Variants in MAGI2 observed in about 807,000 individuals in gnomAD.
MAGI2 encodes the protein membrane associated guanylate kinase, WW and PDZ domain containing 2.
A neutral mutation model predicts 133.3 loss-of-function variants in MAGI2; 35 were observed. The ratio of observed to expected loss-of-function variants is 0.26; its 90% confidence interval spans 0.20 to 0.35. The LOEUF is 0.35. MAGI2 is among the 10% of genes least tolerant of loss of function. The pLI is 1.00. For synonymous variants in MAGI2, 729 were observed against 710.6 expected (o/e 1.03, Z -0.41); for missense variants, 1,636 against 1,863.4 (o/e 0.88, Z 2.25).
chr7:79,034,045 A>G (rs1339664491), intron 1 of MAGI2, among the ~76,000 whole-genome samples: 1 of 152,174 alleles, frequency 6.6e-6, no homozygotes, highest in Non-Finnish European at 1.5e-5. Flanking sequence ...AAGATGATAT[A>G]TTGAGACACA....
chr7:78,363,089 G>T (rs1010285530), intron 7 of MAGI2, among the ~76,000 whole-genome samples: 6 of 152,124 alleles, frequency 3.9e-5, no homozygotes, highest in African/African-American at 1.4e-4. Flanking sequence ...CAAATTCCCA[G>T]CTATATGAGA....
chr7:79,308,117 A>T (rs1837966215), intron 1 of MAGI2, among the ~76,000 whole-genome samples: 2 of 152,216 alleles, frequency 1.3e-5, no homozygotes, highest in African/African-American at 2.4e-5. Flanking sequence ...AAATTATATT[A>T]CTATATTTAT....
chr7:79,079,836 G>A (rs577516890), intron 1 of MAGI2, among the ~76,000 whole-genome samples: 13 of 152,008 alleles, frequency 8.6e-5, no homozygotes, highest in Admixed American at 4.6e-4. Flanking sequence ...ATGTATGCTC[G>A]TTAAAAAAAT....
chr7:78,297,216 C>CAA (rs1352992935), intron 9 of MAGI2, among the ~76,000 whole-genome samples: 10 of 152,260 alleles, frequency 6.6e-5, no homozygotes, highest in African/African-American at 2.4e-4. Context: ...ATAAACCTGA[C>CAA]AAACACTACA....
chr7:78,431,431 A>T (rs12154515), intron 6 of MAGI2, among the ~76,000 whole-genome samples: 20,814 of 152,124 alleles, frequency 0.14, 1,736 homozygotes, highest in African/African-American at 0.24. Context: ...AGCAGACTGT[A>T]CTTTCTCAAA....
At chr7:78,776,688 T>C (rs1375963281) in intron 2 of MAGI2, among the ~76,000 whole-genome samples, 4 of 152,158 alleles carry the variant, frequency 2.6e-5, no homozygotes, top group Non-Finnish European at 4.4e-5. Context: ...TTAGTGTAGA[T>C]AGGGTATTGT....
intron 9 of MAGI2, among the ~76,000 whole-genome samples, chr7:78,320,015 G>A (rs1787834382): frequency 1.3e-5 from 2 of 152,160 alleles, no homozygotes; most frequent in Non-Finnish European, 2.9e-5. Context: ...AAATAAACTA[G>A]AAAATCTAGA....
intron 1 of MAGI2, among the ~76,000 whole-genome samples, chr7:79,368,780 G>A (rs1481128287): frequency 6.8e-6 from 1 of 147,444 alleles, no homozygotes; most frequent in African/African-American, 2.5e-5. Flanking sequence ...CCCGGGAGGC[G>A]GAGCTTGCAG....
At chr7:78,620,066 T>C (rs770891391) in intron 3 of MAGI2, among the ~76,000 whole-genome samples, 18 of 151,954 alleles carry the variant, frequency 1.2e-4, no homozygotes, top group Non-Finnish European at 2.2e-4. Context: ...ACAGTAAAAA[T>C]TTCCTCTTGT....
intron 9 of MAGI2, among the ~76,000 whole-genome samples, chr7:78,308,343 T>C (rs1308968548): frequency 2.0e-5 from 3 of 152,182 alleles, no homozygotes; most frequent in African/African-American, 4.8e-5. Context: ...GAGAGACCAA[T>C]GTACAACAAG....
At chr7:79,074,827 C>T (rs1046717077) in intron 1 of MAGI2, among the ~76,000 whole-genome samples, 2 of 152,194 alleles carry the variant, frequency 1.3e-5, no homozygotes, top group South Asian at 2.1e-4. Flanking sequence ...GGATCTATCT[C>T]TGTTAGGGTG....
In MAGI2 at chr7:79,171,770, A is replaced by ATTTTTTTTT. The variant is rs144599296; in HGVS notation, c.302-164573_302-164565dup. Among the ~76,000 whole-genome samples, 35 of 31,204 alleles carry ATTTTTTTTT rather than the reference A, an allele frequency of 1.1e-3. 1 individual carries two copies. Among genetic ancestry groups the ATTTTTTTTT allele is most frequent in the Middle Eastern group, 0.05 (1 of 20 alleles). The allele number at this position is 31,204 out of a possible 152,430, so 20.5% of individuals were successfully genotyped here. The stretch of plus-strand genomic sequence containing the variant: ...TATATATATATATATATATATATAT[A>ATTTTTTTTT]TTTTTTTTTTTTTTTTCTTTTAAAG... On this transcript the variant is annotated intron_variant, in intron 1 of 21. Transcript: ENST00000354212.
chr7:79,270,502 C>G (rs576402296), intron 1 of MAGI2, among the ~76,000 whole-genome samples: 1 of 152,128 alleles, frequency 6.6e-6, no homozygotes, highest in African/African-American at 2.4e-5. Flanking sequence ...TTTTCTCAAT[C>G]ATTTAACATT....
intron 1 of MAGI2, among the ~76,000 whole-genome samples, chr7:79,067,170 G>A (rs1814435580): frequency 6.6e-6 from 1 of 152,096 alleles, no homozygotes; most frequent in African/African-American, 2.4e-5. Flanking sequence ...TTGTTGGGGA[G>A]AGCATTGAAA....
intron 9 of MAGI2, among the ~76,000 whole-genome samples, chr7:78,302,970 G>A (rs1797960377): frequency 6.6e-6 from 1 of 152,164 alleles, no homozygotes; most frequent in South Asian, 2.1e-4. Context: ...TGGAAGCTAT[G>A]GCAAGATAGA....
chr7:78,433,764 A>T (rs926021885), intron 6 of MAGI2, among the ~76,000 whole-genome samples: 1 of 152,288 alleles, frequency 6.6e-6, no homozygotes, highest in Admixed American at 6.5e-5. Flanking sequence ...AGGGGAGAGA[A>T]AAAATTTTAT....
At chr7:78,804,549 C>A (rs1226757929) in intron 2 of MAGI2, among the ~76,000 whole-genome samples, 2 of 144,022 alleles carry the variant, frequency 1.4e-5, no homozygotes, top group African/African-American at 5.2e-5. Flanking sequence ...GAAATCGAGA[C>A]CCTCCTGGCT....
intron 1 of MAGI2, among the ~76,000 whole-genome samples, chr7:79,344,256 C>T (rs1841139386): frequency 6.6e-6 from 1 of 151,900 alleles, no homozygotes; most frequent in African/African-American, 2.4e-5. Context: ...CTAATTACAT[C>T]AATAACATCT....
intron 2 of MAGI2, among the ~76,000 whole-genome samples, chr7:78,889,682 A>C (rs1796576407): frequency 6.6e-6 from 1 of 152,210 alleles, no homozygotes. Flanking sequence ...AAATACTGAG[A>C]GATTTTGTCA....
Sources: allele counts gnomAD v4.1 joint callset (sites outside exome capture counted in the v4.1 genomes callset), GRCh38; gene constraint gnomAD v4.1.1; transcripts MANE v1.5; gene names NCBI Gene and HGNC (gene_info 2026-07-23, HGNC 2026-07-21).